FHIP1A: variants seen among roughly 807,000 people sequenced by gnomAD.
FHIP1A encodes FHF complex subunit HOOK interacting protein 1A.
In FHIP1A, 61 loss-of-function variants were observed where a neutral mutation model predicts 88.6. The observed-to-expected ratio is 0.69, with a 90% confidence interval of 0.56 to 0.85. The LOEUF is 0.85. Among genes scored for constraint, FHIP1A ranks in the 40% least tolerant of loss-of-function variants. The probability of loss-of-function intolerance (pLI) is 0.00; values close to 1 mark genes in which losing one functional copy is unlikely to be tolerated. For synonymous variants in FHIP1A, 478 were observed against 496.0 expected, an observed-to-expected ratio of 0.96 and a Z score of 0.48; for missense variants, 1,154 against 1,273.5, an observed-to-expected ratio of 0.91 and a Z score of 1.43.
intron 3 of FHIP1A, among the ~76,000 whole-genome samples, chr4:151,557,253 T>C (rs1467702640): frequency 6.6e-6 from 1 of 152,174 alleles, no homozygotes; most frequent in East Asian, 1.9e-4. Context: ...GTCAATTAAC[T>C]CCAAAGTGCA....
In FHIP1A at chr4:151,575,068, T is replaced by C. The variant is rs140569343; in HGVS notation, c.106-2382T>C. On this transcript the variant is annotated intron_variant, in intron 4 of 13. Transcript: ENST00000435205. ...ATTGCCATATTGTTTTCCAGAAAGATTGAGCTAATTTGCCACTCCACCATC... is the reference window on the plus strand; with the variant it reads ...ATTGCCATATTGTTTTCCAGAAAGACTGAGCTAATTTGCCACTCCACCATC... 3.0e-3 allele frequency among the ~76,000 whole-genome samples: 462 copies of C among 152,292 alleles called. 3 individuals carry two copies. The highest frequency in any genetic ancestry group is 0.011 in the African/African-American group (443 of 41,570).
intron 3 of FHIP1A, among the ~76,000 whole-genome samples, chr4:151,495,812 C>T (rs1167338971): frequency 6.6e-6 from 1 of 151,846 alleles, no homozygotes; most frequent in Non-Finnish European, 1.5e-5. Flanking sequence ...TTAGTAGAGA[C>T]AGGGTTTTGC....
At chr4:151,549,474 G>T (rs1028831108) in intron 3 of FHIP1A, among the ~76,000 whole-genome samples, 1 of 141,280 alleles carries the variant, frequency 7.1e-6, no homozygotes, top group Admixed American at 7.3e-5. Context: ...CTGGGCGAGA[G>T]AGTGAGACTC....
rs143102511 is a variant in FHIP1A, at chr4:151,588,292, A to G, written c.892-548A>G. Among the ~76,000 whole-genome samples, 117 of 152,226 alleles carry G rather than the reference A, an allele frequency of 7.7e-4. No individual in the cohort carries two copies. The East Asian group carries it at 0.02, about 27-fold the overall frequency. ...CTTTTGAATATTATCTATTTTTCTG[A>G]AAATATTTTTAAATGCCTTTTCTTT... On this transcript the variant is annotated intron_variant, in intron 6 of 13. Transcript: ENST00000435205.
At chr4:151,611,364 A>G (rs1735319180) in intron 7 of FHIP1A, among the ~76,000 whole-genome samples, 1 of 152,160 alleles carries the variant, frequency 6.6e-6, no homozygotes, top group African/African-American at 2.4e-5. Flanking sequence ...AATTTAAAGG[A>G]AGATATAGAT....
chr4:151,572,632 A>C (rs1733638831), intron 4 of FHIP1A, among the ~76,000 whole-genome samples: 1 of 152,206 alleles, frequency 6.6e-6, no homozygotes, highest in South Asian at 2.1e-4. Flanking sequence ...AGATGGCTAA[A>C]TCTTGCCCTT....
At chr4:151,435,784 CAAAAAAAAAA>C (rs202118440) in intron 1 of FHIP1A, among the ~76,000 whole-genome samples, 1 of 121,396 alleles carries the variant, frequency 8.2e-6, no homozygotes, top group East Asian at 2.6e-4. Context: ...AACTCTGTGT[CAAAAAAAAAA>C]AAAAAAAAAA....
Position 151,638,776 on chromosome 4 carries a change from T to C in FHIP1A, c.1226+20T>C, listed in dbSNP as rs1156701548. ...TCTAAGGTGAGTTGCCTTTTTTGTT[T>C]CCTTTAAAGAAAAATTCACTTTATA... On this transcript the variant is annotated intron_variant, in intron 9 of 13. Transcript: ENST00000435205. 13 of 1,430,546 alleles carry C rather than the reference T, an allele frequency of 9.1e-6. No homozygotes were observed. In the Admixed American group the frequency reaches 2.7e-4, roughly 29 times the overall value. The allele number at this position is 1,430,546 out of a possible 1,614,324, so 88.6% of individuals were successfully genotyped here.
intron 3 of FHIP1A, among the ~76,000 whole-genome samples, chr4:151,503,380 T>C (rs1730717601): frequency 6.6e-6 from 1 of 152,166 alleles, no homozygotes; most frequent in Non-Finnish European, 1.5e-5. Flanking sequence ...ATATTCTCCA[T>C]GTAGGAAAGA....
At position 151,668,468 on chromosome 4, in the gene FHIP1A, G is replaced by A. The variant is rs1737744266; in HGVS notation, c.*5714G>A. Among the ~76,000 whole-genome samples the A allele has an allele frequency of 6.6e-6, 1 of 152,120 alleles. No individual in the cohort carries two copies. The highest frequency in any genetic ancestry group is 2.4e-5 in the African/African-American group (1 of 41,402). On this transcript the variant is annotated 3_prime_UTR_variant, in exon 14 of 14. Transcript: ENST00000435205. The stretch of plus-strand genomic sequence containing the variant: ...ATTACTAAAATGTACATGGGGTGGG[G>A]GAGCTCAGCTAAAATATCCTTACTT...
intron 7 of FHIP1A, among the ~76,000 whole-genome samples, chr4:151,605,271 T>C (rs1004969319): frequency 6.6e-6 from 1 of 152,178 alleles, no homozygotes. Context: ...TGCTCCTTTT[T>C]AAAAAGAGAT....
At chr4:151,565,314 C>T (rs2126770164) in intron 3 of FHIP1A, among the ~76,000 whole-genome samples, 1 of 152,260 alleles carries the variant, frequency 6.6e-6, no homozygotes, top group South Asian at 2.1e-4. Flanking sequence ...CACTCTATGA[C>T]CTCAATTTCT....
At chr4:151,423,508 T>C (rs1733253505) in intron 1 of FHIP1A, among the ~76,000 whole-genome samples, 1 of 152,210 alleles carries the variant, frequency 6.6e-6, no homozygotes, top group South Asian at 2.1e-4. Context: ...AAATCTCTGA[T>C]CTACCAATTG....
At chr4:151,618,002 T>C (rs1735607190) in intron 7 of FHIP1A, among the ~76,000 whole-genome samples, 1 of 152,232 alleles carries the variant, frequency 6.6e-6, no homozygotes, top group African/African-American at 2.4e-5. Context: ...CAATGAACTT[T>C]CACATAGGAC....
At chr4:151,522,106 A>G (rs1401893382) in intron 3 of FHIP1A, among the ~76,000 whole-genome samples, 2 of 152,206 alleles carry the variant, frequency 1.3e-5, no homozygotes, top group East Asian at 3.8e-4. Context: ...TTATAAATCA[A>G]TAAGAATCTT....
intron 3 of FHIP1A, among the ~76,000 whole-genome samples, chr4:151,539,652 T>C (rs929801627): frequency 1.3e-5 from 2 of 151,872 alleles, no homozygotes; most frequent in Non-Finnish European, 2.9e-5. Context: ...CCATTCTCTC[T>C]GGAAAGTACA....
chr4:151,412,383 G>A (rs1416056482), intron 1 of FHIP1A, among the ~76,000 whole-genome samples: 1 of 152,146 alleles, frequency 6.6e-6, no homozygotes, highest in Non-Finnish European at 1.5e-5. Context: ...TGGGATTACA[G>A]GCGTGAGCCA....
chr4:151,636,022 G>A (rs886893714), intron 8 of FHIP1A, among the ~76,000 whole-genome samples: 10 of 151,768 alleles, frequency 6.6e-5, no homozygotes, highest in African/African-American at 1.9e-4. Flanking sequence ...AAGACACCAC[G>A]GGAAAACTCT....
rs1732776711 is a variant in FHIP1A, at chr4:151,413,821, T to G, written c.-356+4356T>G. Reference sequence around the variant, plus strand: ...GGAGCAAAGGTCTTTTGTCAGAATTTTAGAGCCAAAATTATGTATTCCCAG... The same window carrying G: ...GGAGCAAAGGTCTTTTGTCAGAATTGTAGAGCCAAAATTATGTATTCCCAG... On this transcript the variant is annotated intron_variant, in intron 1 of 13. Coordinates refer to ENST00000435205, the MANE Select transcript of FHIP1A (RefSeq NM_001109977.3). Among the ~76,000 whole-genome samples, 4 of 152,220 alleles carry G rather than the reference T, an allele frequency of 2.6e-5. 1 individual carries two copies. The South Asian group carries it at 8.3e-4, about 32-fold the overall frequency.
Sources: gnomAD v4.1 joint callset for allele counts (sites outside exome capture counted in the v4.1 genomes callset) on GRCh38, gnomAD v4.1.1 for gene constraint, MANE v1.5 for transcripts, NCBI Gene and HGNC (gene_info 2026-07-23, HGNC 2026-07-21) for gene names.